WDR86: variants seen among roughly 807,000 people sequenced by gnomAD.
WDR86 encodes the protein WD repeat domain 86.
WDR86 carries 30 observed loss-of-function variants against 36.5 expected under a neutral mutation model. The ratio of observed to expected loss-of-function variants is 0.82; its 90% CI spans 0.61 to 1.11. The LOEUF is 1.11. WDR86 is among the 50% of genes most tolerant of loss of function. WDR86 has a pLI of 0.00. For missense variants in WDR86, 545 were observed against 561.2 expected (o/e 0.97, Z 0.29); for synonymous variants, 255 against 252.9 (o/e 1.01, Z -0.08).
At position 151,409,629 on chromosome 7, in the gene WDR86, G is replaced by C; in HGVS notation, c.-40C>G. ...GGGGAACAAGAAGGAGCTGCGCCCC[G>C]CTAGGGAGGGGCGCCCCGGGGTCCG... On this transcript the variant is annotated 5_prime_UTR_variant, in exon 1 of 6. Transcript: ENST00000334493. This position sits in a 1 kb window ranked among gnomAD's most constrained non-coding sequence, Gnocchi z 5.2. 7.5e-7 allele frequency: 1 copy of C among 1,329,138 alleles called. No homozygotes were observed. Among genetic ancestry groups the C allele is most frequent in the African/African-American group, 1.5e-5 (1 of 64,814 alleles). The allele number at this position is 1,329,138 out of a possible 1,614,324, so 82.3% of individuals were successfully genotyped here. A position where few individuals can be genotyped will look rare whatever the true frequency, so the allele number is the denominator to read the frequency against.
chr7:151,392,795 C>T (rs986025220), intron 3 of WDR86, among the ~76,000 whole-genome samples: 2 of 152,194 alleles, frequency 1.3e-5, no homozygotes, highest in African/African-American at 4.8e-5. Flanking sequence ...TCTGTCTTTA[C>T]GAGACCTAGT....
rs909805211 is a variant in WDR86, at chr7:151,390,504, C to T, written c.726+5272G>A. On this transcript the variant is annotated intron_variant, in intron 3 of 5. Coordinates refer to ENST00000334493, the MANE Select transcript of WDR86 (RefSeq NM_198285.3). This position sits in a 1 kb window ranked among gnomAD's most constrained non-coding sequence, Gnocchi z 4.5. ...CGCCTTAAGAATCATTTCACTTTGG[C>T]AGTTCCTCAAAAAGCTGAACAGAGA... 1.4e-4 allele frequency among the ~76,000 whole-genome samples: 22 copies of T among 152,200 alleles called. No homozygotes were observed.
chr7:151,405,523 A>C lies in WDR86; in HGVS notation c.163+3904T>G, dbSNP rs1417637771. ...TTCGAGGGTGCTGGGACCCTGAGGC[A>C]GGTGACATCTGGGCCCAGAAGCACC... On this transcript the variant is annotated intron_variant, in intron 1 of 5. Coordinates refer to ENST00000334493, the MANE Select transcript of WDR86 (RefSeq NM_198285.3). This position sits in a 1 kb window ranked among gnomAD's most constrained non-coding sequence, Gnocchi z 4.7. Among the ~76,000 whole-genome samples the C allele has an allele frequency of 6.6e-6, 1 of 152,230 alleles. No homozygotes were observed. The highest frequency in any genetic ancestry group is 1.5e-5 in the Non-Finnish European group (1 of 68,034).
chr7:151,396,193 G>C lies in WDR86; in HGVS notation c.309C>G (p.Ile103Met). Residue 103 changes from isoleucine to methionine, a missense_variant, in exon 3 of 6, where the codon ATC becomes ATG. Transcript: ENST00000334493. ...YRGHTSIVNR[I>M]LVANNQLFSS... Reference sequence around the variant, plus strand: ...TGAAGAGCTGGTTGTTGGCAACCAGGATCCTGGGGGCAAGAGGGAAGGGGT... The same window carrying C: ...TGAAGAGCTGGTTGTTGGCAACCAGCATCCTGGGGGCAAGAGGGAAGGGGT... 1 of 1,612,848 alleles carries C rather than the reference G, an allele frequency of 6.2e-7. No homozygotes were observed. Among genetic ancestry groups the C allele is most frequent in the Non-Finnish European group, 8.5e-7 (1 of 1,179,850 alleles).
At chr7:151,377,841 C>CATGCTCTT (rs1208078997), downstream of WDR86, 2 of 152,214 alleles carry the variant, frequency 1.3e-5, no homozygotes, top group Non-Finnish European at 2.9e-5. Context: ...GCTCTTAGTT[C>CATGCTCTT]AGTAAAATAC....
At chr7:151,374,388 C>T (rs1798109036), downstream of WDR86, 1 of 1,114,098 alleles carries the variant, frequency 9.0e-7, no homozygotes, top group Admixed American at 2.0e-5. Context: ...TTCTCCTGGG[C>T]TCCAGCCCAG....
Position 151,409,671 on chromosome 7 carries a change from G to T in WDR86, c.-82C>A, listed in dbSNP as rs1584808435. ...CGGGGTCCGCGCGGCGGCTCCGTAC[G>T]ACTGCGGCCCGCGGCCATCGCGGGG... On this transcript the variant is annotated 5_prime_UTR_variant, in exon 1 of 6. Coordinates refer to ENST00000334493, the MANE Select transcript of WDR86 (RefSeq NM_198285.3). This position sits in a 1 kb window ranked among gnomAD's most constrained non-coding sequence, Gnocchi z 5.2. 1 of 1,297,282 alleles carries T rather than the reference G, an allele frequency of 7.7e-7. No individual in the cohort carries two copies. The highest frequency in any genetic ancestry group is 9.7e-7 in the Non-Finnish European group (1 of 1,026,040). The allele number at this position is 1,297,282 out of a possible 1,614,324, so 80.4% of individuals were successfully genotyped here.
chr7:151,376,923 C>T, downstream of WDR86: 1 of 1,431,550 alleles, frequency 7.0e-7, no homozygotes, highest in Non-Finnish European at 9.3e-7. Context: ...CCCCTGACGT[C>T]ACCGGGCCGG....
At chr7:151,374,349 G>T, downstream of WDR86, 2 of 1,386,184 alleles carry the variant, frequency 1.4e-6, no homozygotes, top group African/African-American at 1.4e-5. Flanking sequence ...CCTATGGGCT[G>T]CCCCGTCATC....
chr7:151,410,193 G>A (rs917062761), upstream of WDR86, among the ~76,000 whole-genome samples: 1 of 152,206 alleles, frequency 6.6e-6, no homozygotes, highest in African/African-American at 2.4e-5. Flanking sequence ...CTAGCTGCCC[G>A]GGCTGCGCCT....
intron 1 of WDR86, among the ~76,000 whole-genome samples, chr7:151,404,512 C>T (rs934708908): frequency 3.3e-5 from 5 of 152,212 alleles, no homozygotes; most frequent in African/African-American, 1.2e-4. Flanking sequence ...GCGGGGTCAC[C>T]CTAGCGGGGA....
At chr7:151,382,102 G>C in intron 4 of WDR86, 121 bp from the exon 5 acceptor site, 1 of 798,104 alleles carries the variant, frequency 1.3e-6, no homozygotes, top group Non-Finnish European at 2.0e-6. Flanking sequence ...GGTATCCTGA[G>C]GCTCATATGG....
chr7:151,377,111 C>T, downstream of WDR86: 1 of 1,584,772 alleles, frequency 6.3e-7, no homozygotes, highest in Non-Finnish European at 8.6e-7. Context: ...TACTGGAAGA[C>T]ATTCCAGAGC....
chr7:151,380,657 C>G (rs905128166), downstream of WDR86, among the ~76,000 whole-genome samples: 12 of 152,030 alleles, frequency 7.9e-5, no homozygotes, highest in African/African-American at 2.9e-4. Flanking sequence ...GCCCCACTGG[C>G]CCCTCGAGCC....
rs1377602532 is a variant in WDR86 at position 151,381,619 on chromosome 7, T to C, written c.1094A>G (p.Lys365Arg). ...MRSLSRLFSN[K>R]VGCAAAPLQP... ...CAGGGGCGCGGCGGCGCAGCCCACC[T>C]TGTTGCTGAAGAGCCGCGAGAGGCT... The change falls in exon 6 of 6, where the codon AAG (lysine) becomes AGG (arginine). Residue 365 changes from lysine to arginine, a missense_variant. Transcript: ENST00000334493. This position sits in a 1 kb window ranked among gnomAD's most constrained non-coding sequence, Gnocchi z 4.8. The C allele has an allele frequency of 7.3e-7, 1 of 1,378,584 alleles. No individual in the cohort carries two copies. Among genetic ancestry groups the C allele is most frequent in the Non-Finnish European group, 9.3e-7 (1 of 1,077,176 alleles). 85.4% of individuals were successfully genotyped at this position (1,378,584 alleles called of 1,614,324 possible).
At position 151,409,825 on chromosome 7, in the gene WDR86, G is replaced by A. The variant is rs1401965727; in HGVS notation, c.-236C>T. ...GGGGGGCGGCCCACTCGGGACCTCC[G>A]CCCTGGGTAGAGTCCTGGGCGCGCG... On this transcript the variant is annotated 5_prime_UTR_variant, in exon 1 of 6. Coordinates refer to ENST00000334493, the MANE Select transcript of WDR86 (RefSeq NM_198285.3). The surrounding 1 kb of genome is among the most constrained non-coding windows in gnomAD (Gnocchi z 5.2). 8.0e-7 allele frequency: 1 copy of A among 1,253,202 alleles called. No individual in the cohort carries two copies. The highest frequency in any genetic ancestry group is 3.2e-5 in the South Asian group (1 of 31,284). 77.6% of individuals were successfully genotyped at this position (1,253,202 alleles called of 1,614,324 possible).
chr7:151,403,434 T>C (rs1309677430), intron 1 of WDR86, among the ~76,000 whole-genome samples: 1 of 152,224 alleles, frequency 6.6e-6, no homozygotes, highest in African/African-American at 2.4e-5. Context: ...CAGCTGGTAT[T>C]GGGTAGACAG....
chr7:151,380,666 C>A (rs749454901), downstream of WDR86, among the ~76,000 whole-genome samples: 6 of 152,050 alleles, frequency 3.9e-5, no homozygotes, highest in Non-Finnish European at 8.8e-5. Flanking sequence ...GCCCCTCGAG[C>A]CCCTGGGCAC....
In WDR86 at chr7:151,395,645, G is replaced by A. The variant is rs988021312; in HGVS notation, c.726+131C>T. On this transcript the variant is annotated intron_variant, in intron 3 of 5. Coordinates refer to ENST00000334493, the MANE Select transcript of WDR86 (RefSeq NM_198285.3). ...CCAGCCCCAGGACCGCAAGGCCTCC[G>A]TGGCGCTTGCCAGGCCCCCATCTGC... 44 of 1,157,134 alleles carry A rather than the reference G, an allele frequency of 3.8e-5. No homozygotes were observed. The African/African-American group carries it at 5.0e-4, about 13-fold the overall frequency. 71.7% of individuals were successfully genotyped at this position (1,157,134 alleles called of 1,614,324 possible). A position where few individuals can be genotyped will look rare whatever the true frequency, so the allele number is the denominator to read the frequency against.
Sources: allele counts gnomAD v4.1 joint callset (sites outside exome capture counted in the v4.1 genomes callset), GRCh38; gene constraint gnomAD v4.1.1; non-coding constraint Gnocchi (gnomAD v3.1); transcripts MANE v1.5; gene names NCBI Gene and HGNC (gene_info 2026-07-23, HGNC 2026-07-21).